Variants in MYCBP2 observed in about 807,000 individuals in gnomAD.
MYCBP2 encodes E3 ubiquitin-protein ligase MYCBP2.
In MYCBP2, 120 loss-of-function variants were observed where a neutral mutation model predicts 525.3. The observed-to-expected ratio is 0.23, with a 90% CI of 0.20 to 0.27. The LOEUF is 0.27. Ranked by LOEUF, MYCBP2 falls within the 10% of genes least tolerant of loss-of-function variation. The pLI is 1.00. For synonymous variants in MYCBP2, 1,894 were observed against 1,955.8 expected, an observed-to-expected ratio of 0.97 and a Z score of 0.83; for missense variants, 4,149 against 5,657.1, an observed-to-expected ratio of 0.73 and a Z score of 8.55.
intron 43 of MYCBP2, among the ~76,000 whole-genome samples, chr13:77,163,491 T>TG (rs34185499): frequency 3.3e-5 from 5 of 151,996 alleles, no homozygotes; most frequent in Admixed American, 6.6e-5. Context: ...AGATGGATTT[T>TG]GGGGGGGTAA....
chr13:77,109,528 C>G (rs55694124), intron 55 of MYCBP2: 4,464 of 152,314 alleles, frequency 0.029, 93 homozygotes, highest in East Asian at 0.053. Flanking sequence ...ATCAGAACAG[C>G]CTTGTGATAT....
intron 47 of MYCBP2, among the ~76,000 whole-genome samples, chr13:77,146,449 A>G (rs1342604897): frequency 6.6e-6 from 1 of 151,902 alleles, no homozygotes; most frequent in Non-Finnish European, 1.5e-5. Context: ...AAAAAAACAG[A>G]TAACATCTTT....
intron 55 of MYCBP2, among the ~76,000 whole-genome samples, chr13:77,116,896 T>C (rs1174925579): frequency 6.6e-6 from 1 of 152,092 alleles, no homozygotes; most frequent in East Asian, 1.9e-4. Context: ...ATTCTTTAGC[T>C]AGAACAAAAA....
At chr13:77,181,596 G>C in intron 33 of MYCBP2, 105 bp downstream of exon 33, 1 of 732,046 alleles carries the variant, frequency 1.4e-6, no homozygotes. Context: ...AATACGCTTA[G>C]CTTGGTGTGT....
chr13:77,320,489 T>G (rs745855237), intron 1 of MYCBP2, among the ~76,000 whole-genome samples: 1 of 152,194 alleles, frequency 6.6e-6, no homozygotes, highest in Admixed American at 6.5e-5. Flanking sequence ...AACAGAATTA[T>G]TTTTTAATTC....
At chr13:77,121,197 G>T in intron 55 of MYCBP2, 176 bp downstream of exon 55, 1 of 561,826 alleles carries the variant, frequency 1.8e-6, no homozygotes, top group Non-Finnish European at 2.6e-6. Flanking sequence ...AAAAACAACA[G>T]CAAAAAACAA....
chr13:77,066,245 C>A (rs537398194), intron 71 of MYCBP2, among the ~76,000 whole-genome samples, 157 bp from the exon 72 acceptor site: 4 of 152,280 alleles, frequency 2.6e-5, no homozygotes, highest in African/African-American at 9.6e-5. Context: ...ACCATTACCC[C>A]AAATCCCAAG....
intron 2 of MYCBP2, among the ~76,000 whole-genome samples, chr13:77,290,113 T>C (rs975749293): frequency 5.3e-5 from 8 of 152,108 alleles, no homozygotes; most frequent in African/African-American, 1.9e-4. Context: ...AAAGGGTGAA[T>C]AAGCACATGA....
intron 68 of MYCBP2, among the ~76,000 whole-genome samples, chr13:77,072,048 G>T (rs2041397872): frequency 6.6e-6 from 1 of 152,080 alleles, no homozygotes; most frequent in Admixed American, 6.5e-5. Context: ...CAGCACTTTG[G>T]GAGGCCGAGG....
At chr13:77,072,914 T>C (rs548063652) in intron 68 of MYCBP2, among the ~76,000 whole-genome samples, 1 of 152,188 alleles carries the variant, frequency 6.6e-6, no homozygotes, top group African/African-American at 2.4e-5. Context: ...AGTTAGATTA[T>C]ATATGAGTCT....
chr13:77,167,922 T>C lies in MYCBP2; in HGVS notation c.6114+506A>G, dbSNP rs141726107. On this transcript the variant is annotated intron_variant, in intron 40 of 82. Coordinates refer to ENST00000544440, the MANE Select transcript of MYCBP2 (RefSeq NM_015057.5). Reference sequence around the variant, plus strand: ...AATACAAGTTTATCCTTCTCTTCCTTAATTTGCATGATACAATGAAAAAAC... The same window carrying C: ...AATACAAGTTTATCCTTCTCTTCCTCAATTTGCATGATACAATGAAAAAAC... 5.5e-3 allele frequency among the ~76,000 whole-genome samples: 840 copies of C among 152,334 alleles called. 34 individuals carry two copies. The highest frequency in any genetic ancestry group is 1.2e-3 in the Non-Finnish European group (82 of 68,010).
At chr13:77,121,342 G>C in intron 55 of MYCBP2, 31 bp downstream of exon 55, 1 of 1,464,408 alleles carries the variant, frequency 6.8e-7, no homozygotes. Context: ...TTGAAGTTAG[G>C]TAAGTAAAAG....
intron 55 of MYCBP2, among the ~76,000 whole-genome samples, chr13:77,116,159 T>G (rs532890358): frequency 1.2e-4 from 18 of 152,062 alleles, no homozygotes; most frequent in Middle Eastern, 3.4e-3. Context: ...TCAAAGTGCT[T>G]AAGTACAGTG....
At chr13:77,157,570 ACT>A (rs1275416380) in intron 45 of MYCBP2, among the ~76,000 whole-genome samples, 1 of 151,274 alleles carries the variant, frequency 6.6e-6, no homozygotes, top group Admixed American at 6.6e-5. Flanking sequence ...ACATGGGGAA[ACT>A]CTGTTTCTAC....
chr13:77,075,306 C>G (rs2154094129), intron 68 of MYCBP2, among the ~76,000 whole-genome samples: 1 of 152,290 alleles, frequency 6.6e-6, no homozygotes, highest in East Asian at 1.9e-4. Flanking sequence ...TGAGGAATTT[C>G]TGTATGTAAA....
chr13:77,130,354 T>G (rs559152008), intron 52 of MYCBP2, among the ~76,000 whole-genome samples: 2 of 151,424 alleles, frequency 1.3e-5, no homozygotes, highest in Non-Finnish European at 2.9e-5. Context: ...ATTATCTCAT[T>G]TTAGATAATG....
chr13:77,094,756 C>T (rs2045979437), intron 58 of MYCBP2, among the ~76,000 whole-genome samples: 1 of 152,158 alleles, frequency 6.6e-6, no homozygotes, highest in African/African-American at 2.4e-5. Context: ...TCTGGGAAGC[C>T]TTTTCTGATT....
intron 63 of MYCBP2, among the ~76,000 whole-genome samples, chr13:77,082,741 G>A (rs1371901361): frequency 6.6e-6 from 1 of 152,008 alleles, no homozygotes. Context: ...CTCTTTTTGG[G>A]ACATTTAAGT....
chr13:77,069,360 C>T (rs971484255), intron 69 of MYCBP2, among the ~76,000 whole-genome samples: 4 of 152,184 alleles, frequency 2.6e-5, no homozygotes, highest in African/African-American at 4.8e-5. Flanking sequence ...CCGTGGCTCA[C>T]GCCTGTAATC....
Sources: allele counts gnomAD v4.1 joint callset (sites outside exome capture counted in the v4.1 genomes callset), GRCh38; gene constraint gnomAD v4.1.1; transcripts MANE v1.5; gene names NCBI Gene and HGNC (gene_info 2026-07-23, HGNC 2026-07-21).